C8orf34: variants seen among roughly 807,000 people sequenced by gnomAD.
The protein encoded by C8orf34 is uncharacterized protein C8orf34.
A neutral mutation model predicts 68.3 loss-of-function variants in C8orf34; 65 were observed. That is an observed-to-expected ratio of 0.95 (90% CI 0.78 to 1.17). The LOEUF (loss-of-function observed/expected upper bound fraction) is 1.17. Among genes scored for constraint, C8orf34 ranks in the 50% most tolerant of loss-of-function variants. The probability of loss-of-function intolerance (pLI) is 0.00; values close to 1 mark genes in which losing one functional copy is unlikely to be tolerated. For synonymous variants in C8orf34, 244 were observed against 241.2 expected (o/e 1.01, Z -0.11); for missense variants, 664 against 655.4 (o/e 1.01, Z -0.14).
intron 12 of C8orf34, chr8:68,792,109 A>G (rs1387216649): frequency 1.3e-5 from 2 of 152,224 alleles, no homozygotes; most frequent in Non-Finnish European, 2.9e-5. Context: ...CCAAAGATTT[A>G]AATATCAACT....
intron 12 of C8orf34, among the ~76,000 whole-genome samples, chr8:68,808,968 G>A (rs551819734): frequency 1.3e-5 from 2 of 151,458 alleles, no homozygotes; most frequent in African/African-American, 4.8e-5. Flanking sequence ...TTTTTTGTGA[G>A]CATACACATC....
At chr8:68,813,526 C>T (rs1046687607) in intron 12 of C8orf34, among the ~76,000 whole-genome samples, 2 of 152,052 alleles carry the variant, frequency 1.3e-5, no homozygotes, top group Non-Finnish European at 2.9e-5. Context: ...ATTGATTGTT[C>T]TTCAGTGGTA....
intron 3 of C8orf34, among the ~76,000 whole-genome samples, chr8:68,453,772 T>C (rs1811437830): frequency 6.6e-6 from 1 of 152,000 alleles, no homozygotes; most frequent in South Asian, 2.1e-4. Context: ...TTTCTTTTCT[T>C]GCCTAATTGC....
chr8:68,554,218 A>G (rs182364891), intron 7 of C8orf34, among the ~76,000 whole-genome samples: 18 of 152,274 alleles, frequency 1.2e-4, no homozygotes, highest in African/African-American at 4.1e-4. Flanking sequence ...TATATTTTTC[A>G]GTAAGTTCTT....
intron 1 of C8orf34, among the ~76,000 whole-genome samples, chr8:68,343,440 A>G (rs1806154098): frequency 6.6e-6 from 1 of 151,914 alleles, no homozygotes; most frequent in Non-Finnish European, 1.5e-5. Context: ...TTATTTATTT[A>G]TTTGACAGGG....
chr8:68,640,595 C>G, intron 8 of C8orf34, 84 bp downstream of exon 8: 2 of 1,328,362 alleles, frequency 1.5e-6, no homozygotes, highest in Admixed American at 4.5e-5. Flanking sequence ...TTGTACTCTT[C>G]TGTGTTAAGA....
intron 8 of C8orf34, among the ~76,000 whole-genome samples, chr8:68,692,928 A>T (rs1037697140): frequency 2.6e-5 from 4 of 152,110 alleles, no homozygotes; most frequent in African/African-American, 9.6e-5. Flanking sequence ...TATGATTTAA[A>T]GATAAAGAGC....
intron 7 of C8orf34, among the ~76,000 whole-genome samples, chr8:68,610,861 G>GTTTTTTTTTTTTTT (rs60113883): frequency 5.8e-5 from 7 of 120,454 alleles, no homozygotes; most frequent in African/African-American, 2.4e-4. Context: ...TGAATCTTTG[G>GTTTTTTTTTTTTTT]TTTTTTTTTT....
chr8:68,629,166 C>T (rs1818619388), intron 7 of C8orf34, among the ~76,000 whole-genome samples: 1 of 152,110 alleles, frequency 6.6e-6, no homozygotes, highest in Admixed American at 6.6e-5. Context: ...GATAATTATA[C>T]CAGGTTTTCT....
At chr8:68,359,290 A>T (rs1423154976) in intron 1 of C8orf34, among the ~76,000 whole-genome samples, 1 of 152,170 alleles carries the variant, frequency 6.6e-6, no homozygotes, top group Non-Finnish European at 1.5e-5. Context: ...TATGCTCCTG[A>T]GCAACCCATT....
Position 68,521,975 on chromosome 8 carries a change from A to C in C8orf34, c.938+4A>C. ...GTGGCTCTAGTCCTGCAGGAAGGTGAGATGAGCTGTCTGCTGAGATTCTAT... is the reference window on the plus strand; with the variant it reads ...GTGGCTCTAGTCCTGCAGGAAGGTGCGATGAGCTGTCTGCTGAGATTCTAT... On this transcript the variant is annotated splice_donor_region_variant and intron_variant, in intron 6 of 13. Transcript: ENST00000518698. 1 of 1,613,102 alleles carries C rather than the reference A, an allele frequency of 6.2e-7. No individual in the cohort carries two copies. The highest frequency in any genetic ancestry group is 8.5e-7 in the Non-Finnish European group (1 of 1,179,412).
At chr8:68,506,586 T>C (rs1814032486) in intron 5 of C8orf34, among the ~76,000 whole-genome samples, 1 of 152,202 alleles carries the variant, frequency 6.6e-6, no homozygotes, top group Admixed American at 6.5e-5. Context: ...TTTGAGTTTG[T>C]GTGAGTTTGT....
intron 12 of C8orf34, among the ~76,000 whole-genome samples, chr8:68,797,106 C>T (rs1340462367): frequency 2.0e-5 from 3 of 152,164 alleles, no homozygotes; most frequent in African/African-American, 4.8e-5. Flanking sequence ...GGATTACTGG[C>T]GTGAGCCACC....
At chr8:68,619,205 A>T (rs1170953466) in intron 7 of C8orf34, among the ~76,000 whole-genome samples, 8 of 152,230 alleles carry the variant, frequency 5.3e-5, no homozygotes, top group Admixed American at 5.2e-4. Context: ...ATGTGCCTAT[A>T]GTCCCAGCTA....
intron 7 of C8orf34, among the ~76,000 whole-genome samples, chr8:68,606,189 C>T (rs997866894): frequency 3.3e-5 from 5 of 152,070 alleles, no homozygotes; most frequent in African/African-American, 9.7e-5. Flanking sequence ...TTCTCTTATA[C>T]ATTAAGAAAA....
At chr8:68,358,837 A>G (rs536175073) in intron 1 of C8orf34, among the ~76,000 whole-genome samples, 6 of 151,576 alleles carry the variant, frequency 4.0e-5, no homozygotes, top group South Asian at 2.1e-4. Context: ...TCCTGAGTGT[A>G]CAGGTGTGCG....
At chr8:68,397,947 T>A (rs534648336) in intron 1 of C8orf34, among the ~76,000 whole-genome samples, 1 of 152,146 alleles carries the variant, frequency 6.6e-6, no homozygotes, top group South Asian at 2.1e-4. Context: ...TTTTTTCTTT[T>A]CAGTAGAGAC....
intron 10 of C8orf34, among the ~76,000 whole-genome samples, chr8:68,754,178 A>G (rs1715459463): frequency 6.6e-6 from 1 of 152,246 alleles, no homozygotes; most frequent in Non-Finnish European, 1.5e-5. Context: ...AGCTACATGG[A>G]TCACATTATG....
At chr8:68,351,525 T>C (rs1302541781) in intron 1 of C8orf34, among the ~76,000 whole-genome samples, 1 of 152,076 alleles carries the variant, frequency 6.6e-6, no homozygotes, top group Non-Finnish European at 1.5e-5. Context: ...TTGTGGAAGT[T>C]TTCATGAACA....
Sources: gnomAD v4.1 joint callset for allele counts (sites outside exome capture counted in the v4.1 genomes callset) on GRCh38, gnomAD v4.1.1 for gene constraint, MANE v1.5 for transcripts, NCBI Gene and HGNC (gene_info 2026-07-23, HGNC 2026-07-21) for gene names.